The following GALNT18 variants were observed in gnomAD, a reference collection of about 807,000 sequenced individuals.
GALNT18 encodes GalNAc-transferase 18.
A neutral mutation model predicts 69.5 loss-of-function variants in GALNT18; 44 were observed. That is an observed-to-expected ratio of 0.63 (90% CI 0.50 to 0.81). GALNT18 has a LOEUF of 0.81. Among genes scored for constraint, GALNT18 ranks in the 40% least tolerant of loss-of-function variants. The probability of loss-of-function intolerance (pLI) is 0.00; values close to 1 mark genes in which losing one functional copy is unlikely to be tolerated. For missense variants in GALNT18, 715 were observed against 810.0 expected (o/e 0.88, Z 1.42); for synonymous variants, 364 against 318.2 (o/e 1.14, Z -1.53).
chr11:11,357,715 G>A (rs930041418), intron 6 of GALNT18, among the ~76,000 whole-genome samples: 2 of 152,078 alleles, frequency 1.3e-5, no homozygotes, highest in African/African-American at 4.8e-5. Flanking sequence ...TCTGTAAACC[G>A]GTGACAGTAA....
At chr11:11,517,875 T>C (rs11021886) in intron 1 of GALNT18, among the ~76,000 whole-genome samples, 74,067 of 152,062 alleles carry the variant, frequency 0.49, 19,681 homozygotes, top group Non-Finnish European at 0.59. Context: ...CAAAATCATG[T>C]CCCTGAGAAA....
intron 1 of GALNT18, among the ~76,000 whole-genome samples, chr11:11,457,649 G>A (rs1163556647): frequency 1.3e-5 from 2 of 152,226 alleles, no homozygotes; most frequent in Non-Finnish European, 2.9e-5. Context: ...CGCTGCCCAA[G>A]CTAGTCTGTG....
intron 6 of GALNT18, chr11:11,352,470 C>A (rs772546137): frequency 5.0e-6 from 8 of 1,614,134 alleles, no homozygotes; most frequent in Non-Finnish European, 5.9e-6. Flanking sequence ...ACAACCCAAT[C>A]TCCACATATC....
chr11:11,404,776 C>A lies in GALNT18; in HGVS notation c.596-25512G>T, dbSNP rs1328236857. Among the ~76,000 whole-genome samples the A allele has an allele frequency of 6.6e-6, 1 of 152,142 alleles. No homozygotes were observed. The highest frequency in any genetic ancestry group is 1.5e-5 in the Non-Finnish European group (1 of 68,034). On this transcript the variant is annotated intron_variant, in intron 3 of 10. Transcript: ENST00000227756. This position sits in a 1 kb window ranked among gnomAD's most constrained non-coding sequence, Gnocchi z 4.5. ...CTCCCGGCTCCAGCCCCGCACAGAC[C>A]CTGACCATACCCTGGCGACTCCATC...
chr11:11,440,739 C>T (rs2133807784), intron 2 of GALNT18, among the ~76,000 whole-genome samples: 1 of 152,302 alleles, frequency 6.6e-6, no homozygotes, highest in Non-Finnish European at 1.5e-5. Flanking sequence ...AACATGTTCC[C>T]CCAAGTCTTC....
chr11:11,358,345 C>T lies in GALNT18; in HGVS notation c.1092+14170G>A, dbSNP rs1459558543. On this transcript the variant is annotated intron_variant, in intron 6 of 10. Coordinates refer to ENST00000227756, the MANE Select transcript of GALNT18 (RefSeq NM_198516.3). ...TTTTTGGTTATTTCCACTGTTATTT[C>T]TAATGCCAAACTTGCCACATTTTCC... Among the ~76,000 whole-genome samples, 3 of 140,036 alleles carry T rather than the reference C, an allele frequency of 2.1e-5. 1 individual carries two copies. The highest frequency in any genetic ancestry group is 4.8e-5 in the Non-Finnish European group (3 of 62,696). 91.9% of individuals were successfully genotyped at this position (140,036 alleles called of 152,430 possible).
Position 11,338,977 on chromosome 11 carries a change from A to G in GALNT18, c.1278+1842T>C, listed in dbSNP as rs1850157851. Among the ~76,000 whole-genome samples the G allele has an allele frequency of 6.6e-6, 1 of 152,184 alleles. No homozygotes were observed. Among genetic ancestry groups the G allele is most frequent in the Non-Finnish European group, 1.5e-5 (1 of 68,030 alleles). On this transcript the variant is annotated intron_variant, in intron 7 of 10. Transcript: ENST00000227756. This position sits in a 1 kb window ranked among gnomAD's most constrained non-coding sequence, Gnocchi z 5.3. ...ATAGGTTAAAGACCTTAAAATGTCCATTAAATTAAGCATTTGGGAGGCCTA... is the reference window on the plus strand; with the variant it reads ...ATAGGTTAAAGACCTTAAAATGTCCGTTAAATTAAGCATTTGGGAGGCCTA...
chr11:11,353,608 T>C (rs572523420), intron 6 of GALNT18, among the ~76,000 whole-genome samples: 1 of 152,302 alleles, frequency 6.6e-6, no homozygotes, highest in African/African-American at 2.4e-5. Flanking sequence ...TTCCTCTCTC[T>C]GAAGCTTAAT....
Position 11,341,073 on chromosome 11 carries a change from G to T in GALNT18, c.1093-69C>A. 6.9e-7 allele frequency: 1 copy of T among 1,456,776 alleles called. No homozygotes were observed. The highest frequency in any genetic ancestry group is 9.3e-7 in the Non-Finnish European group (1 of 1,077,546). The allele number at this position is 1,456,776 out of a possible 1,614,324, so 90.2% of individuals were successfully genotyped here. ...GCCTTTCTACACCAGGCCTCAGGCA[G>T]CCACTTGACATGAGCAGGAAGAAAG... On this transcript the variant is annotated intron_variant, in intron 6 of 10. Transcript: ENST00000227756. The surrounding 1 kb of genome is among the most constrained non-coding windows in gnomAD (Gnocchi z 6.3).
intron 1 of GALNT18, among the ~76,000 whole-genome samples, chr11:11,493,150 A>G (rs1207619980): frequency 6.6e-6 from 1 of 151,054 alleles, no homozygotes; most frequent in East Asian, 2.0e-4. Flanking sequence ...AGTCCCAGCT[A>G]CTCGGAAGGC....
intron 3 of GALNT18, among the ~76,000 whole-genome samples, chr11:11,422,265 A>G (rs924847398): frequency 2.6e-5 from 4 of 152,238 alleles, no homozygotes; most frequent in Admixed American, 6.5e-5. Context: ...GCCATGCCCA[A>G]GAGGAACTCT....
Position 11,389,148 on chromosome 11 carries a change from G to A in GALNT18, c.596-9884C>T, listed in dbSNP as rs1307005631. The stretch of plus-strand genomic sequence containing the variant: ...CAAATGGGAAAAATCAAGGATGAGA[G>A]ACTTTAAAGAACATATTCCAAGTAA... On this transcript the variant is annotated intron_variant, in intron 3 of 10. Coordinates refer to ENST00000227756, the MANE Select transcript of GALNT18 (RefSeq NM_198516.3). This position sits in a 1 kb window ranked among gnomAD's most constrained non-coding sequence, Gnocchi z 4.3. Among the ~76,000 whole-genome samples the A allele has an allele frequency of 6.6e-6, 1 of 152,174 alleles. No individual in the cohort carries two copies. Among genetic ancestry groups the A allele is most frequent in the Admixed American group, 6.5e-5 (1 of 15,282 alleles).
At chr11:11,443,600 G>C (rs142903145) in intron 2 of GALNT18, among the ~76,000 whole-genome samples, 7 of 152,168 alleles carry the variant, frequency 4.6e-5, no homozygotes, top group African/African-American at 1.7e-4. Flanking sequence ...GACATCTGGA[G>C]CCTGCGGCTG....
rs201131928 is a variant in GALNT18 at position 11,448,194 on chromosome 11, A to G, written c.428+550T>C. On this transcript the variant is annotated intron_variant, in intron 2 of 10. Transcript: ENST00000227756. ...ATGTAAAAATGAGGAGAAAAGGGGGAAAACACTGTGGGGGGGAGCTCACAA... is the reference window on the plus strand; with the variant it reads ...ATGTAAAAATGAGGAGAAAAGGGGGGAAACACTGTGGGGGGGAGCTCACAA... Among the ~76,000 whole-genome samples the G allele has an allele frequency of 7.9e-5, 12 of 151,988 alleles. No individual in the cohort carries two copies. In the East Asian group the frequency reaches 2.3e-3, roughly 30 times the overall value.
intron 6 of GALNT18, chr11:11,352,026 C>T (rs1850417232): frequency 6.2e-7 from 1 of 1,613,568 alleles, no homozygotes; most frequent in Non-Finnish European, 8.5e-7. Context: ...TGCCAGAGGT[C>T]CAAGGGGTGA....
At position 11,596,841 on chromosome 11, in the gene GALNT18, C is replaced by T. The variant is rs58787294; in HGVS notation, c.235+24518G>A. On this transcript the variant is annotated intron_variant, in intron 1 of 10. Coordinates refer to ENST00000227756, the MANE Select transcript of GALNT18 (RefSeq NM_198516.3). The surrounding 1 kb of genome is among the most constrained non-coding windows in gnomAD (Gnocchi z 4.2). ...AACATCTGGTATAATATTAAATAGG[C>T]GTGATGACAGCAGATATGCTTCTGT... Among the ~76,000 whole-genome samples, 9 of 152,018 alleles carry T rather than the reference C, an allele frequency of 5.9e-5. No individual in the cohort carries two copies. The highest frequency in any genetic ancestry group is 2.0e-4 in the Admixed American group (3 of 15,262).
At chr11:11,281,392 T>TC (rs1849071735) in intron 10 of GALNT18, among the ~76,000 whole-genome samples, 1 of 152,088 alleles carries the variant, frequency 6.6e-6, no homozygotes, top group East Asian at 1.9e-4. Context: ...ACCGTACGGA[T>TC]CGGAGGATCA....
chr11:11,604,274 T>C lies in GALNT18; in HGVS notation c.235+17085A>G, dbSNP rs1363558919. Among the ~76,000 whole-genome samples, 1 of 152,222 alleles carries C rather than the reference T, an allele frequency of 6.6e-6. No homozygotes were observed. The highest frequency in any genetic ancestry group is 1.5e-5 in the Non-Finnish European group (1 of 68,042). On this transcript the variant is annotated intron_variant, in intron 1 of 10. Transcript: ENST00000227756. This position sits in a 1 kb window ranked among gnomAD's most constrained non-coding sequence, Gnocchi z 5.6. The stretch of plus-strand genomic sequence containing the variant: ...TAAGTTAAAAATCCATTAAGAGCAT[T>C]ATTGAATGTCTTATTCTCCTTCATT...
Position 11,377,859 on chromosome 11 carries a change from T to C in GALNT18, c.780-480A>G, listed in dbSNP as rs7118622. On this transcript the variant is annotated intron_variant, in intron 4 of 10. Coordinates refer to ENST00000227756, the MANE Select transcript of GALNT18 (RefSeq NM_198516.3). The surrounding 1 kb of genome is among the most constrained non-coding windows in gnomAD (Gnocchi z 4.6). ...ACCTACATCCACCAGCCATGCGATGTTGCCCTGGAATGCCAGCTGTGCCAC... is the reference window on the plus strand; with the variant it reads ...ACCTACATCCACCAGCCATGCGATGCTGCCCTGGAATGCCAGCTGTGCCAC... Among the ~76,000 whole-genome samples the C allele has an allele frequency of 0.3, 44,968 of 151,956 alleles. 7,427 individuals carry two copies. Among genetic ancestry groups the C allele is most frequent in the African/African-American group, 0.44 (18,081 of 41,414 alleles).
Sources: gnomAD v4.1 joint callset for allele counts (sites outside exome capture counted in the v4.1 genomes callset) on GRCh38, gnomAD v4.1.1 for gene constraint, Gnocchi (gnomAD v3.1) non-coding constraint, MANE v1.5 for transcripts, NCBI Gene and HGNC (gene_info 2026-07-23, HGNC 2026-07-21) for gene names.